The following EP300 variants were observed in gnomAD, a reference collection of about 807,000 sequenced individuals.
EP300 encodes the protein EP300 lysine acetyltransferase.
In EP300, 31 loss-of-function variants were observed where a neutral mutation model predicts 264.0. That is an observed-to-expected ratio of 0.12 (90% CI 0.09 to 0.16). The LOEUF is 0.16. EP300 is among the 10% of genes least tolerant of loss of function. The pLI is 1.00. For synonymous variants in EP300, 1,340 were observed against 1,045.4 expected, an observed-to-expected ratio of 1.28 and a Z score of -5.44; for missense variants, 2,766 against 3,052.9, an observed-to-expected ratio of 0.91 and a Z score of 2.21.
intron 1 of EP300, among the ~76,000 whole-genome samples, chr22:41,098,381 G>GT (rs1050773232): frequency 7.9e-5 from 12 of 151,978 alleles, no homozygotes; most frequent in South Asian, 2.1e-4. Flanking sequence ...AGAAGTGATT[G>GT]TTTTTTTTGA....
In EP300 at chr22:41,152,145, A is replaced by G. The variant is rs2145740345; in HGVS notation, c.2998-61A>G. ...AGATTTTGCATGAGAAAGGGTGTTC[A>G]GATTACTGATTCCCAACTAGATATC... On this transcript the variant is annotated intron_variant, in intron 15 of 30. Coordinates refer to ENST00000263253, the MANE Select transcript of EP300 (RefSeq NM_001429.4). 1.9e-6 allele frequency: 3 copies of G among 1,593,052 alleles called. No homozygotes were observed. The South Asian group carries it at 3.3e-5, about 18-fold the overall frequency.
chr22:41,119,114 C>T (rs911418497), intron 2 of EP300, among the ~76,000 whole-genome samples: 5 of 148,796 alleles, frequency 3.4e-5, no homozygotes, highest in African/African-American at 9.8e-5. Context: ...ACAGTCTTCT[C>T]GCCTCAGCCT....
At chr22:41,165,607 G>A (rs553802351) in intron 22 of EP300, among the ~76,000 whole-genome samples, 1 of 152,086 alleles carries the variant, frequency 6.6e-6, no homozygotes, top group East Asian at 1.9e-4. Context: ...TATTTTGGTA[G>A]AGACAGGGTT....
intron 25 of EP300, 76 bp from the exon 26 acceptor site, chr22:41,169,427 T>C (rs553669202): frequency 4.8e-5 from 42 of 882,300 alleles, no homozygotes; most frequent in Non-Finnish European, 6.4e-5. Context: ...GAGGGTGTTA[T>C]TAGGCACATG....
rs745769525 is a variant in EP300, at chr22:41,152,259, T to C, written c.3051T>C (p.Thr1017=). ...MESTETEERS[T]ELKTEIKEEE... is the part of the protein sequence containing the mutation. ...CTACCGAAACAGAAGAGAGAAGCAC[T>C]GAGTTAAAAACTGAAATAAAAGAGG... The change falls in exon 16 of 31, where the codon ACT becomes ACC. Residue 1017 remains threonine (T), a synonymous_variant. Coordinates refer to ENST00000263253, the MANE Select transcript of EP300 (RefSeq NM_001429.4). 25 of 1,614,086 alleles carry C rather than the reference T, an allele frequency of 1.5e-5. No homozygotes were observed. The South Asian group carries it at 2.6e-4, about 17-fold the overall frequency.
chr22:41,122,184 A>G (rs1220339104), intron 2 of EP300, among the ~76,000 whole-genome samples: 11 of 86,326 alleles, frequency 1.3e-4, no homozygotes, highest in Non-Finnish European at 1.6e-4. Flanking sequence ...TTTTTTTTGG[A>G]GACAGAGTTT....
At chr22:41,123,096 C>T (rs190294871) in intron 2 of EP300, among the ~76,000 whole-genome samples, 2 of 152,242 alleles carry the variant, frequency 1.3e-5, no homozygotes, top group East Asian at 1.9e-4. Context: ...AAAACAGATG[C>T]TTCACAGAGG....
chr22:41,161,876 A>T (rs1351047100), intron 20 of EP300, among the ~76,000 whole-genome samples: 1 of 152,222 alleles, frequency 6.6e-6, no homozygotes, highest in Non-Finnish European at 1.5e-5. Flanking sequence ...TAGCTAGGAG[A>T]GTAGATACTA....
chr22:41,164,461 C>G (rs1365009960), intron 22 of EP300, among the ~76,000 whole-genome samples: 2 of 152,216 alleles, frequency 1.3e-5, no homozygotes, highest in East Asian at 3.9e-4. Context: ...CCTGTAATCC[C>G]AGCACTTTGG....
intron 1 of EP300, among the ~76,000 whole-genome samples, chr22:41,114,232 A>G (rs961793939): frequency 6.6e-6 from 1 of 152,126 alleles, no homozygotes. Flanking sequence ...CCCAGGCTAG[A>G]GTGCAGTGGT....
At position 41,150,025 on chromosome 22, in the gene EP300, C is replaced by G; in HGVS notation, c.2644C>G (p.Pro882Ala). The change falls in exon 14 of 31, where the codon CCA (proline) becomes GCA (alanine). Residue 882 changes from proline (P) to alanine (A), a missense_variant. Coordinates refer to ENST00000263253, the MANE Select transcript of EP300 (RefSeq NM_001429.4). ...ACAGTCCCAGGCTCTACATCCCCCT[C>G]CAAGGCAGACACCTACACCACCAAC... is the stretch of plus-strand genomic sequence containing the variant. ...GPQSQALHPP[P>A]RQTPTPPTTQ... The G allele has an allele frequency of 6.2e-7, 1 of 1,614,024 alleles. No individual in the cohort carries two copies. Among genetic ancestry groups the G allele is most frequent in the Non-Finnish European group, 8.5e-7 (1 of 1,180,040 alleles).
intron 20 of EP300, among the ~76,000 whole-genome samples, chr22:41,161,722 ATAT>A (rs2059109554): frequency 6.6e-6 from 1 of 152,224 alleles, no homozygotes; most frequent in Admixed American, 6.5e-5. Context: ...TGTAATTTTA[ATAT>A]TATTGAAAGT....
rs912058716 is a variant in EP300 at position 41,179,615 on chromosome 22, T to C, written c.*659T>C. 2 of 220,820 alleles carry C rather than the reference T, an allele frequency of 9.1e-6. No individual in the cohort carries two copies. Among genetic ancestry groups the C allele is most frequent in the Non-Finnish European group, 1.8e-5 (2 of 110,758 alleles). The allele number at this position is 220,820 out of a possible 1,614,324, so 13.7% of individuals were successfully genotyped here. On this transcript the variant is annotated 3_prime_UTR_variant, in exon 31 of 31. Coordinates refer to ENST00000263253, the MANE Select transcript of EP300 (RefSeq NM_001429.4). The stretch of plus-strand genomic sequence containing the variant: ...ATTTTCTATTCTGTAAGTCTGAGCG[T>C]AAAACTTCAAGTATTAAAATAATTT...
chr22:41,140,800 TGG>T (rs1194251486), intron 9 of EP300, among the ~76,000 whole-genome samples: 1 of 151,656 alleles, frequency 6.6e-6, no homozygotes, highest in Non-Finnish European at 1.5e-5. Flanking sequence ...AAAACAGGAG[TGG>T]GGTGGTGCTG....
At chr22:41,107,776 C>G (rs947778413) in intron 1 of EP300, among the ~76,000 whole-genome samples, 5 of 152,210 alleles carry the variant, frequency 3.3e-5, no homozygotes, top group African/African-American at 1.2e-4. Flanking sequence ...TCTCGGCTCA[C>G]TGCAACCTCT....
chr22:41,153,316 A>T (rs781763704), intron 16 of EP300, among the ~76,000 whole-genome samples: 4 of 152,198 alleles, frequency 2.6e-5, no homozygotes, highest in Non-Finnish European at 5.9e-5. Context: ...GCTCTTACAG[A>T]TGATATATAT....
intron 21 of EP300, among the ~76,000 whole-genome samples, chr22:41,163,576 G>T (rs1347671728): frequency 6.6e-6 from 1 of 151,244 alleles, no homozygotes; most frequent in Admixed American, 6.6e-5. Flanking sequence ...GCAAAATCCC[G>T]TCTCTACTAC....
chr22:41,152,757 T>C (rs995756358), intron 16 of EP300, among the ~76,000 whole-genome samples: 1 of 30,154 alleles, frequency 3.3e-5, no homozygotes, highest in Non-Finnish European at 5.8e-5. Context: ...TCTTTCTTTT[T>C]CTTTTCTTTT....
rs760531382 is a variant in EP300 at position 41,117,575 on chromosome 22, T to C, written c.483T>C (p.Pro161=). 1 of 1,614,222 alleles carries C rather than the reference T, an allele frequency of 6.2e-7. No individual in the cohort carries two copies. The highest frequency in any genetic ancestry group is 1.1e-5 in the South Asian group (1 of 91,092). ...TGMMNSPVNQ[P]AMGMNTGMNA... ...TGATGAACAGTCCAGTAAATCAGCC[T>C]GCCATGGGAATGAACACAGGGATGA... The change falls in exon 2 of 31, where the codon CCT becomes CCC. Residue 161 remains proline (P), a synonymous_variant. Transcript: ENST00000263253.
Sources: gnomAD v4.1 joint callset for allele counts (sites outside exome capture counted in the v4.1 genomes callset) on GRCh38, gnomAD v4.1.1 for gene constraint, MANE v1.5 for transcripts, NCBI Gene and HGNC (gene_info 2026-07-23, HGNC 2026-07-21) for gene names.